FAM110B: variants seen among roughly 807,000 people sequenced by gnomAD.
FAM110B encodes the protein family with sequence similarity 110 member B, also known as protein FAM110B.
Under a neutral mutation model 20.4 loss-of-function variants are expected in FAM110B, and 6 were observed. The observed-to-expected ratio is 0.29, with a 90% CI of 0.16 to 0.58. FAM110B has a LOEUF of 0.58. Among genes scored for constraint, FAM110B ranks in the 20% least tolerant of loss-of-function variants. The probability of loss-of-function intolerance (pLI) is 0.90; values close to 1 mark genes in which losing one functional copy is unlikely to be tolerated. For missense variants in FAM110B, 434 were observed against 498.2 expected (o/e 0.87, Z 1.23); for synonymous variants, 226 against 214.1 (o/e 1.06, Z -0.49).
At chr8:58,026,846 C>T (rs1163428010) in intron 1 of FAM110B, among the ~76,000 whole-genome samples, 3 of 152,200 alleles carry the variant, frequency 2.0e-5, no homozygotes, top group Non-Finnish European at 4.4e-5. Context: ...ACATAGGTCA[C>T]ATGTATAGAA....
intron 1 of FAM110B, among the ~76,000 whole-genome samples, chr8:58,006,169 C>G (rs1804397413): frequency 6.6e-6 from 1 of 152,156 alleles, no homozygotes; most frequent in African/African-American, 2.4e-5. Context: ...TTGATGTGCT[C>G]CTGCTTATGT....
intron 3 of FAM110B, among the ~76,000 whole-genome samples, chr8:58,098,621 TCTGCCCAAACGG>T (rs1806694386): frequency 6.6e-6 from 1 of 152,178 alleles, no homozygotes; most frequent in African/African-American, 2.4e-5. Context: ...TAGCTCGATG[TCTGCCCAAACGG>T]CTGCCCAGTT....
chr8:58,089,464 A>G (rs890746509), intron 3 of FAM110B, among the ~76,000 whole-genome samples: 3 of 152,206 alleles, frequency 2.0e-5, no homozygotes, highest in Admixed American at 2.0e-4. Context: ...TCTCACAGGC[A>G]TTACCTTCTA....
At chr8:58,058,480 A>G (rs1234241489) in intron 2 of FAM110B, among the ~76,000 whole-genome samples, 1 of 152,210 alleles carries the variant, frequency 6.6e-6, no homozygotes, top group East Asian at 1.9e-4. Flanking sequence ...CTAGTTGAAA[A>G]CATAAAGAAA....
chr8:58,074,701 G>A (rs974560915), intron 2 of FAM110B, among the ~76,000 whole-genome samples: 6 of 152,162 alleles, frequency 3.9e-5, no homozygotes, highest in African/African-American at 1.4e-4. Flanking sequence ...CCGGCATGGG[G>A]GTGCTACAGT....
At chr8:58,087,251 G>A (rs550722482) in intron 3 of FAM110B, among the ~76,000 whole-genome samples, 5 of 152,282 alleles carry the variant, frequency 3.3e-5, no homozygotes, top group Admixed American at 6.5e-5. Flanking sequence ...AGAAACCAGC[G>A]CTGTGCGTCA....
intron 1 of FAM110B, among the ~76,000 whole-genome samples, chr8:58,013,317 G>A (rs572354443): frequency 6.6e-6 from 1 of 152,314 alleles, no homozygotes; most frequent in African/African-American, 2.4e-5. Flanking sequence ...GGGCAGCTTT[G>A]GGCTGTCCCC....
intron 1 of FAM110B, among the ~76,000 whole-genome samples, chr8:58,009,104 C>T (rs555695410): frequency 1.3e-5 from 2 of 152,238 alleles, no homozygotes; most frequent in African/African-American, 2.4e-5. Flanking sequence ...CTCTGCCTGA[C>T]CACTAGACAG....
At position 58,125,397 on chromosome 8, in the gene FAM110B, C is replaced by A. The variant is rs577715620; in HGVS notation, c.-324-20510C>A. ...AGAACACTATTAATGTGTTAAATTT[C>A]TTTTGTTTCTTATCTCATCTTCTCA... On this transcript the variant is annotated intron_variant, in intron 3 of 3. Transcript: ENST00000519262. Among the ~76,000 whole-genome samples the A allele has an allele frequency of 1.0e-3, 154 of 152,260 alleles. 2 individuals are homozygous for A. Among genetic ancestry groups the A allele is most frequent in the African/African-American group, 3.5e-3 (147 of 41,540 alleles).
At chr8:58,118,478 G>A (rs187751218) in intron 3 of FAM110B, among the ~76,000 whole-genome samples, 3 of 152,290 alleles carry the variant, frequency 2.0e-5, no homozygotes, top group African/African-American at 2.4e-5. Context: ...GGTGCTTACC[G>A]GAAGATTAGC....
chr8:58,100,098 T>C (rs1273090810), intron 3 of FAM110B, among the ~76,000 whole-genome samples: 1 of 152,248 alleles, frequency 6.6e-6, no homozygotes, highest in African/African-American at 2.4e-5. Context: ...CTCTTGTAAC[T>C]TAGATTGTAG....
At chr8:58,076,927 C>G (rs1322362020) in intron 3 of FAM110B, among the ~76,000 whole-genome samples, 2 of 152,142 alleles carry the variant, frequency 1.3e-5, no homozygotes, top group Non-Finnish European at 2.9e-5. Context: ...CTGCATTATG[C>G]AGGATGTTGT....
intron 1 of FAM110B, among the ~76,000 whole-genome samples, chr8:58,006,923 A>ATATATATATATATTTTTT: frequency 9.5e-5 from 12 of 126,528 alleles, no homozygotes; most frequent in African/African-American, 3.3e-4. Context: ...ATATATATAT[A>ATATATATATATATTTTTT]TTTTTCCAAA....
chr8:58,020,320 G>A (rs1213203162), intron 1 of FAM110B, among the ~76,000 whole-genome samples: 2 of 151,890 alleles, frequency 1.3e-5, no homozygotes, highest in East Asian at 1.9e-4. Context: ...TTTACTTATG[G>A]ATAATATTTT....
intron 3 of FAM110B, among the ~76,000 whole-genome samples, chr8:58,121,497 C>A (rs892286019): frequency 6.6e-6 from 1 of 152,100 alleles, no homozygotes; most frequent in Non-Finnish European, 1.5e-5. Context: ...TTTTGTTTGT[C>A]TTTCCCCTTG....
intron 2 of FAM110B, among the ~76,000 whole-genome samples, chr8:58,048,637 C>G (rs1341807474): frequency 2.0e-5 from 3 of 152,154 alleles, no homozygotes; most frequent in Non-Finnish European, 4.4e-5. Flanking sequence ...TTAAAATGTT[C>G]ACATGTTTAT....
chr8:58,005,984 T>G (rs376455984), intron 1 of FAM110B, among the ~76,000 whole-genome samples: 2 of 152,196 alleles, frequency 1.3e-5, no homozygotes, highest in Non-Finnish European at 2.9e-5. Flanking sequence ...TTATCATTTT[T>G]TTTTCAGAAA....
intron 2 of FAM110B, among the ~76,000 whole-genome samples, chr8:58,048,338 A>T (rs1379033493): frequency 6.6e-6 from 1 of 151,992 alleles, no homozygotes; most frequent in African/African-American, 2.4e-5. Context: ...TCTCACCATT[A>T]TACTTCTTGG....
intron 2 of FAM110B, among the ~76,000 whole-genome samples, chr8:58,038,041 A>G (rs1377262199): frequency 6.6e-6 from 1 of 152,142 alleles, no homozygotes; most frequent in African/African-American, 2.4e-5. Flanking sequence ...TGAATTCTAG[A>G]TTGTTTTGCT....
Sources: allele counts gnomAD v4.1 joint callset (sites outside exome capture counted in the v4.1 genomes callset), GRCh38; gene constraint gnomAD v4.1.1; transcripts MANE v1.5; gene names NCBI Gene and HGNC (gene_info 2026-07-23, HGNC 2026-07-21).